ZNF469: variants seen among roughly 807,000 people sequenced by gnomAD.
ZNF469 encodes zinc finger protein 469.
Under a neutral mutation model 1.0 loss-of-function variants are expected in ZNF469, and 1 was observed. The ratio of observed to expected loss-of-function variants is 1.00; its 90% confidence interval spans 0.35 to 4.73. The LOEUF is 4.73. Among genes scored for constraint, ZNF469 ranks in the 30% most tolerant of loss-of-function variants. The pLI is 0.16. For synonymous variants in ZNF469, 2,703 were observed against 2,363.4 expected (o/e 1.14, Z -4.17); for missense variants, 6,100 against 5,356.3 (o/e 1.14, Z -4.33).
rs745934280 is a variant in ZNF469, at chr16:88,431,177, C to G, written c.3707C>G (p.Pro1236Arg). Residue 1236 changes from proline (P) to arginine (R), a missense_variant, in exon 3 of 3, where the codon CCG becomes CGG. Coordinates refer to ENST00000565624, the MANE Select transcript of ZNF469 (RefSeq NM_001367624.2). ...KEPETAEESA[P>R]DSTEFTEALR... ...CCTGAAACTGCCGAAGAGTCAGCCC[C>G]GGACAGCACAGAATTCACAGAGGCT... The G allele has an allele frequency of 5.2e-6, 8 of 1,550,262 alleles. No homozygotes were observed. In the South Asian group the frequency reaches 7.1e-5, roughly 14 times the overall value.
the ZNF469 span, among the ~76,000 whole-genome samples, chr16:88,118,512 T>C: frequency 6.6e-6 from 1 of 152,148 alleles, no homozygotes; most frequent in East Asian, 1.9e-4. Context: ...GACTCTCTGC[T>C]TTCTGTGTCA....
intron 2 of ZNF469, among the ~76,000 whole-genome samples, chr16:88,427,044 C>T (rs893472144): frequency 7.2e-5 from 11 of 152,154 alleles, no homozygotes; most frequent in African/African-American, 2.7e-4. Flanking sequence ...AAGCGGCCTC[C>T]TCACACCCCA....
Position 88,436,917 on chromosome 16 carries a change from G to C in ZNF469, c.9447G>C (p.Val3149=), listed in dbSNP as rs976534560. ...CGCCGCCCACCTGCTACATGTGCGT[G>C]GAGCGCAGGTTTGGCTCGCGGGAGC... The part of the protein sequence containing the change: ...PAPPPTCYMC[V]ERRFGSRELL... Residue 3149 remains valine, a synonymous_variant, in exon 3 of 3, where the codon GTG becomes GTC. Transcript: ENST00000565624. 4.7e-6 allele frequency: 7 copies of C among 1,499,610 alleles called. No individual in the cohort carries two copies. In the Admixed American group the frequency reaches 6.4e-5, roughly 14 times the overall value. The allele number at this position is 1,499,610 out of a possible 1,614,324, so 92.9% of individuals were successfully genotyped here.
the ZNF469 span, among the ~76,000 whole-genome samples, chr16:88,339,893 AT>A: frequency 2.1e-5 from 2 of 93,914 alleles, no homozygotes; most frequent in African/African-American, 6.7e-5. Flanking sequence ...GGGCCTGGCC[AT>A]GGCAAAGCCC....
chr16:88,126,685 G>A, the ZNF469 span, among the ~76,000 whole-genome samples: 1 of 150,822 alleles, frequency 6.6e-6, no homozygotes, highest in Non-Finnish European at 1.5e-5. Context: ...ACAAAGTCTT[G>A]CTCTGTAACC....
the ZNF469 span, among the ~76,000 whole-genome samples, chr16:88,203,881 C>T: frequency 6.6e-6 from 1 of 152,208 alleles, no homozygotes; most frequent in Non-Finnish European, 1.5e-5. Flanking sequence ...TCACACGGGT[C>T]GGGGGTAGGA....
chr16:88,435,567 A>G lies in ZNF469; in HGVS notation c.8097A>G (p.Gly2699=). 1 of 1,549,898 alleles carries G rather than the reference A, an allele frequency of 6.5e-7. No homozygotes were observed. The highest frequency in any genetic ancestry group is 8.7e-7 in the Non-Finnish European group (1 of 1,146,944). ...AGCCGCCTCGCTTGGCCACTCTGGG[A>G]CCTGGGGTGATGGAGGGTGCAGCGG... ...GEQPPRLATL[G]PGVMEGAAET... The change falls in exon 3 of 3, where the codon GGA becomes GGG. Residue 2699 remains glycine (G), a synonymous_variant. Transcript: ENST00000565624.
At chr16:88,335,795 C>T in the ZNF469 span, among the ~76,000 whole-genome samples, 5 of 152,330 alleles carry the variant, frequency 3.3e-5, no homozygotes, top group African/African-American at 1.2e-4. Flanking sequence ...CACGCACATT[C>T]GTCCTTCACG....
At chr16:88,149,953 C>G in the ZNF469 span, among the ~76,000 whole-genome samples, 1 of 152,216 alleles carries the variant, frequency 6.6e-6, no homozygotes, top group Non-Finnish European at 1.5e-5. Flanking sequence ...ATAGAACTTT[C>G]CAGGTGTTGC....
chr16:88,248,515 T>G, the ZNF469 span, among the ~76,000 whole-genome samples: 1 of 150,066 alleles, frequency 6.7e-6, no homozygotes, highest in Non-Finnish European at 1.5e-5. Context: ...CTGGGCAAGA[T>G]AGTGAGACCC....
At chr16:88,244,355 G>C in the ZNF469 span, among the ~76,000 whole-genome samples, 8 of 151,372 alleles carry the variant, frequency 5.3e-5, no homozygotes, top group East Asian at 1.6e-3. Context: ...ATGGGTGAAT[G>C]GGTGGATGGA....
the ZNF469 span, among the ~76,000 whole-genome samples, chr16:88,248,570 A>C: frequency 1.3e-5 from 2 of 152,352 alleles, no homozygotes; most frequent in African/African-American, 2.4e-5. Context: ...TAACTTGTGT[A>C]GAATTTATAA....
At chr16:88,394,163 G>GCA (rs1904585604) in intron 1 of ZNF469, among the ~76,000 whole-genome samples, 1 of 122,422 alleles carries the variant, frequency 8.2e-6, no homozygotes, top group East Asian at 2.1e-4. Flanking sequence ...CGAGAGGGAT[G>GCA]GGGTTTGACA....
chr16:88,421,244 G>A (rs918803300), intron 1 of ZNF469, among the ~76,000 whole-genome samples: 1 of 152,206 alleles, frequency 6.6e-6, no homozygotes, highest in African/African-American at 2.4e-5. Flanking sequence ...ACCCCAACCT[G>A]CTCTTGAGTT....
the ZNF469 span, among the ~76,000 whole-genome samples, chr16:88,245,126 A>T: frequency 3.3e-5 from 5 of 152,194 alleles, no homozygotes; most frequent in East Asian, 3.9e-4. Flanking sequence ...TCATGTTGCT[A>T]TGAGGGAGGG....
the ZNF469 span, among the ~76,000 whole-genome samples, chr16:88,250,826 G>A: frequency 1.3e-5 from 2 of 152,090 alleles, no homozygotes; most frequent in Non-Finnish European, 2.9e-5. Flanking sequence ...CGCATCTGTT[G>A]TAGTTTCTGT....
chr16:88,217,052 A>T, the ZNF469 span, among the ~76,000 whole-genome samples: 1 of 152,076 alleles, frequency 6.6e-6, no homozygotes, highest in East Asian at 1.9e-4. Flanking sequence ...AAAATCTGTT[A>T]TCTGGATCAT....
At chr16:88,161,157 T>A in the ZNF469 span, among the ~76,000 whole-genome samples, 1 of 77,790 alleles carries the variant, frequency 1.3e-5, no homozygotes, top group Non-Finnish European at 3.0e-5. Context: ...CGAGACTCCA[T>A]CTCAAAAAAA....
the ZNF469 span, among the ~76,000 whole-genome samples, chr16:88,372,113 C>T: frequency 4.9e-4 from 9 of 18,298 alleles, no homozygotes; most frequent in South Asian, 1.8e-3. Flanking sequence ...ATCACCATCA[C>T]CACCATCATC....
Sources: allele counts gnomAD v4.1 joint callset (sites outside exome capture counted in the v4.1 genomes callset), GRCh38; gene constraint gnomAD v4.1.1; transcripts MANE v1.5; gene names NCBI Gene and HGNC (gene_info 2026-07-23, HGNC 2026-07-21).